MSH5: variants seen among roughly 807,000 people sequenced by gnomAD.
The protein encoded by MSH5 is mutS protein homolog 5.
A neutral mutation model predicts 107.7 loss-of-function variants in MSH5; 78 were observed. The ratio of observed to expected loss-of-function variants is 0.72; its 90% CI spans 0.60 to 0.87. The LOEUF is 0.87. Ranked by LOEUF, MSH5 falls within the 40% of genes least tolerant of loss-of-function variation. The pLI is 0.00. For missense variants in MSH5, 889 were observed against 1,046.6 expected, an observed-to-expected ratio of 0.85 and a Z score of 2.08; for synonymous variants, 326 against 399.5, an observed-to-expected ratio of 0.82 and a Z score of 2.19.
chr6:31,743,277 A>T, intron 5 of MSH5, 107 bp downstream of exon 5: 1 of 1,232,854 alleles, frequency 8.1e-7, no homozygotes. Flanking sequence ...ATGTCATCCT[A>T]AACCTTTGTG....
intron 12 of MSH5, among the ~76,000 whole-genome samples, chr6:31,756,429 C>T (rs959565072): frequency 2.0e-5 from 3 of 152,084 alleles, no homozygotes; most frequent in Non-Finnish European, 2.9e-5. Context: ...GCCTCAGCCT[C>T]CCAAAGTGCT....
chr6:31,749,289 C>T (rs28745897), intron 10 of MSH5, among the ~76,000 whole-genome samples: 8,045 of 152,134 alleles, frequency 0.053, 252 homozygotes, highest in South Asian at 0.13. Flanking sequence ...CGCCTGTAGT[C>T]TCAGCATTTT....
At chr6:31,746,882 G>T (rs1809511742) in intron 9 of MSH5, among the ~76,000 whole-genome samples, 3 of 152,168 alleles carry the variant, frequency 2.0e-5, no homozygotes, top group Admixed American at 2.0e-4. Context: ...GAGTGCAGTG[G>T]CGCGATCTCC....
chr6:31,741,381 ACAT>A (rs1476288002), intron 3 of MSH5, 95 bp downstream of exon 3: 2 of 928,034 alleles, frequency 2.2e-6, no homozygotes, highest in African/African-American at 2.2e-5. Flanking sequence ...ACACACACAC[ACAT>A]ATTTTTTTTT....
Position 31,758,619 on chromosome 6 carries a change from GA to G in MSH5, c.1216del (p.Lys407SerfsTer4). 6.2e-7 allele frequency: 1 copy of G among 1,614,068 alleles called. No homozygotes were observed. The highest frequency in any genetic ancestry group is 8.5e-7 in the Non-Finnish European group (1 of 1,180,030). On this transcript the variant is annotated frameshift_variant and splice_region_variant, in exon 14 of 25. Transcript: ENST00000375750. LOFTEE classifies it high-confidence loss of function. The surrounding 1 kb of genome is among the most constrained non-coding windows in gnomAD (Gnocchi z 5.1). ...CCAACATAGATCCTGAAATTGATGA[GA>G]GTGAGTGTTGGGTGTGGATGGGCCT... ...LPNIDPEIDEKKRRLMGLPSF... is the reference protein window; with the variant it reads ...LPNIDPEIDEXKRRLMGLPSF...
chr6:31,747,578 G>C, intron 10 of MSH5, 146 bp downstream of exon 10: 1 of 765,558 alleles, frequency 1.3e-6, no homozygotes, highest in Non-Finnish European at 2.2e-6. Flanking sequence ...ACTGAGCACT[G>C]GCTAACTGCA....
chr6:31,760,746 C>T lies in MSH5; in HGVS notation c.1869C>T (p.Ala623=), dbSNP rs768490764. The change falls in exon 20 of 25, where the codon GCC becomes GCT. Residue 623 remains alanine (A), a synonymous_variant. Transcript: ENST00000375750. The surrounding 1 kb of genome is among the most constrained non-coding windows in gnomAD (Gnocchi z 5.6). Reference sequence around the variant, plus strand: ...GCAGCTTTGTGCCAGCAGAGGAGGCCGAAATTGGGGCAGTAGACGCCATCT... The same window carrying T: ...GCAGCTTTGTGCCAGCAGAGGAGGCTGAAATTGGGGCAGTAGACGCCATCT... ...LVGSFVPAEE[A]EIGAVDAIFT... is the part of the protein sequence containing the mutation. 19 of 1,612,826 alleles carry T rather than the reference C, an allele frequency of 1.2e-5. No individual in the cohort carries two copies. The highest frequency in any genetic ancestry group is 1.5e-5 in the Non-Finnish European group (18 of 1,180,048).
rs1480879245 is a variant in MSH5, at chr6:31,742,863, G to T, written c.272-14G>T. The T allele has an allele frequency of 6.2e-7, 1 of 1,612,530 alleles. No homozygotes were observed. Among genetic ancestry groups the T allele is most frequent in the Admixed American group, 1.7e-5 (1 of 60,012 alleles). On this transcript the variant is annotated splice_polypyrimidine_tract_variant and intron_variant, in intron 3 of 24. Coordinates refer to ENST00000375750, the MANE Select transcript of MSH5 (RefSeq NM_172166.4). ...AGATCCTTTAACTCATTTGATCTCT[G>T]TTCTCCTTCCAAGTTCTGGATGAGA...
chr6:31,753,543 G>T, intron 11 of MSH5, 24 bp from the exon 12 acceptor site: 3 of 1,614,046 alleles, frequency 1.9e-6, no homozygotes, highest in Non-Finnish European at 2.5e-6. Flanking sequence ...AGAAAACAGC[G>T]GCTGTAACCT....
Position 31,749,280 on chromosome 6 carries a change from G to A in MSH5, c.812+1848G>A, listed in dbSNP as rs140828957. ...ATCCAGGTCAGGCGCGGTGGCTCAC[G>A]CCTGTAGTCTCAGCATTTTGGGAGG... On this transcript the variant is annotated intron_variant, in intron 10 of 24. Transcript: ENST00000375750. Among the ~76,000 whole-genome samples, 903 of 152,142 alleles carry A rather than the reference G, an allele frequency of 5.9e-3. 27 individuals are homozygous for A. Among genetic ancestry groups the A allele is most frequent in the Admixed American group, 0.05 (770 of 15,286 alleles).
At chr6:31,751,239 G>A (rs1031159626) in intron 10 of MSH5, among the ~76,000 whole-genome samples, 5 of 152,070 alleles carry the variant, frequency 3.3e-5, no homozygotes, top group South Asian at 2.1e-4. Flanking sequence ...CTCGTGACCC[G>A]CCCTCCTTGG....
rs202161678 is a variant in MSH5, at chr6:31,745,268, C to A, written c.715C>A (p.Pro239Thr). Residue 239 changes from proline (P) to threonine (T), a missense_variant, in exon 9 of 25, where the codon CCC becomes ACC. Pro to Thr is a conservative substitution (Grantham distance 38). This residue lies in a region of MSH5 where 518 missense variants were observed against 565.0 expected (regional missense o/e 0.92). Coordinates refer to ENST00000375750, the MANE Select transcript of MSH5 (RefSeq NM_172166.4). The part of the protein sequence containing the change: ...VLQIFKSESH[P>T]SVYKVASGLK... ...ACAGATTTTTAAGAGTGAGTCTCACCCCTCAGTGTACAAAGTGGCCAGTGG... is the reference window on the plus strand; with the variant it reads ...ACAGATTTTTAAGAGTGAGTCTCACACCTCAGTGTACAAAGTGGCCAGTGG... The A allele has an allele frequency of 4.3e-6, 7 of 1,613,506 alleles. No homozygotes were observed. Among genetic ancestry groups the A allele is most frequent in the South Asian group, 1.1e-5 (1 of 91,062 alleles).
In MSH5 at chr6:31,758,121, C is replaced by T. The variant is rs575702248; in HGVS notation, c.1015-44C>T. 5.6e-6 allele frequency: 9 copies of T among 1,610,574 alleles called. No individual in the cohort carries two copies. Among genetic ancestry groups the T allele is most frequent in the Admixed American group, 3.3e-5 (2 of 59,922 alleles). On this transcript the variant is annotated intron_variant, in intron 12 of 24. Coordinates refer to ENST00000375750, the MANE Select transcript of MSH5 (RefSeq NM_172166.4). The surrounding 1 kb of genome is among the most constrained non-coding windows in gnomAD (Gnocchi z 5.1). The stretch of plus-strand genomic sequence containing the variant: ...GTCTGTCCCTATCACCACCTCAACC[C>T]GAGCTGGATGTGGCCTGTCCTCCTT...
At position 31,759,228 on chromosome 6, in the gene MSH5, G is replaced by C; in HGVS notation, c.1407+51G>C. On this transcript the variant is annotated intron_variant, in intron 16 of 24. Transcript: ENST00000375750. This position sits in a 1 kb window ranked among gnomAD's most constrained non-coding sequence, Gnocchi z 4.7. ...GAGTGATGAGGAAAATGAGTCAGCA[G>C]CTGAGGAAGAGCGTTACTCTACAGC... The C allele has an allele frequency of 6.5e-7, 1 of 1,538,910 alleles. No individual in the cohort carries two copies. The highest frequency in any genetic ancestry group is 9.0e-7 in the Non-Finnish European group (1 of 1,113,456).
At chr6:31,756,174 A>T (rs1810429740) in intron 12 of MSH5, among the ~76,000 whole-genome samples, 1 of 151,572 alleles carries the variant, frequency 6.6e-6, no homozygotes, top group African/African-American at 2.4e-5. Context: ...TCATTTATTT[A>T]TTTATTTATT....
rs17207461 is a variant in MSH5 at position 31,740,306 on chromosome 6, C to T, written c.-13-148C>T. The T allele has an allele frequency of 2.8e-4, 198 of 716,390 alleles. 2 individuals are homozygous for T. Among genetic ancestry groups the T allele is most frequent in the African/African-American group, 1.1e-3 (60 of 53,348 alleles). The allele number at this position is 716,390 out of a possible 1,614,324, so 44.4% of individuals were successfully genotyped here. A position where few individuals can be genotyped will look rare whatever the true frequency, so the allele number is the denominator to read the frequency against. ...TAGTTAAATACCCGAGAATTCACCT[C>T]CTGTGTCCACAGCTCTCCACGCCCC... On this transcript the variant is annotated intron_variant, in intron 1 of 24. Coordinates refer to ENST00000375750, the MANE Select transcript of MSH5 (RefSeq NM_172166.4). The surrounding 1 kb of genome is among the most constrained non-coding windows in gnomAD (Gnocchi z 4.4).
Position 31,762,190 on chromosome 6 carries a change from G to A in MSH5, c.2393+5G>A, listed in dbSNP as rs375110311. On this transcript the variant is annotated splice_donor_5th_base_variant and intron_variant, in intron 24 of 24. Transcript: ENST00000375750. The stretch of plus-strand genomic sequence containing the variant: ...AAAGAAGAACCAAATGGAAAAGTGC[G>A]TATATGGCCCCAGTGTCTTTACCCT... The A allele has an allele frequency of 1.7e-5, 28 of 1,613,878 alleles. No homozygotes were observed. The highest frequency in any genetic ancestry group is 1.5e-4 in the African/African-American group (11 of 74,904).
At position 31,762,118 on chromosome 6, in the gene MSH5, G is replaced by C; in HGVS notation, c.2326G>C (p.Asp776His). 6.2e-7 allele frequency: 1 copy of C among 1,614,058 alleles called. No individual in the cohort carries two copies. Among genetic ancestry groups the C allele is most frequent in the East Asian group, 2.2e-5 (1 of 44,884 alleles). ...KLVARGKEVS[D>H]LIRSGKPIKP... ...CCTTCTTGCTTGTTCCTAGGTCTCA[G>C]ACTTGATCCGCAGTGGAAAACCCAT... is the stretch of plus-strand genomic sequence containing the variant. The change falls in exon 24 of 25, where the codon GAC becomes CAC. Residue 776 changes from aspartate (D) to histidine (H), a missense_variant. Around this residue, in one of 3 missense-constraint regions of MSH5, gnomAD observed 362 missense variants for 456.2 expected, o/e 0.79. Coordinates refer to ENST00000375750, the MANE Select transcript of MSH5 (RefSeq NM_172166.4).
chr6:31,744,102 G>T, intron 6 of MSH5, 77 bp downstream of exon 6: 2 of 1,599,040 alleles, frequency 1.3e-6, no homozygotes, highest in Non-Finnish European at 1.7e-6. Context: ...TACTGGCCTA[G>T]CCCTGGAAAA....
Sources: gnomAD v4.1 joint callset for allele counts (sites outside exome capture counted in the v4.1 genomes callset) on GRCh38, gnomAD v4.1.1 for gene constraint, gnomAD v4.1.1 regional missense constraint, Gnocchi (gnomAD v3.1) non-coding constraint, MANE v1.5 for transcripts, NCBI Gene and HGNC (gene_info 2026-07-23, HGNC 2026-07-21) for gene names.